The following NAALADL2 variants were observed in gnomAD, a reference collection of about 807,000 sequenced individuals.
NAALADL2 encodes the protein inactive N-acetylated-alpha-linked acidic dipeptidase-like protein 2.
Under a neutral mutation model 87.2 loss-of-function variants are expected in NAALADL2, and 76 were observed. The observed-to-expected ratio is 0.87, with a 90% CI of 0.72 to 1.05. The LOEUF is 1.05. Among genes scored for constraint, NAALADL2 ranks in the 50% least tolerant of loss-of-function variants. The pLI, the probability that NAALADL2 is intolerant of heterozygous loss-of-function variation, is 0.00. For missense variants in NAALADL2, 1,089 were observed against 945.8 expected (o/e 1.15, Z -1.99); for synonymous variants, 354 against 331.0 (o/e 1.07, Z -0.75).
chr3:174,773,865 AAGTGATGGAG>A (rs929077621), intron 3 of NAALADL2, among the ~76,000 whole-genome samples: 3 of 138,602 alleles, frequency 2.2e-5, no homozygotes, highest in African/African-American at 7.7e-5. Context: ...CTAGCTGCTG[AAGTGATGGAG>A]AGTGAGAGAG....
At chr3:174,749,737 C>T (rs1482940729) in intron 3 of NAALADL2, among the ~76,000 whole-genome samples, 1 of 152,098 alleles carries the variant, frequency 6.6e-6, no homozygotes, top group African/African-American at 2.4e-5. Context: ...CCATACAATC[C>T]TCACCCTAAG....
chr3:174,788,912 A>G (rs1460677722), intron 3 of NAALADL2, among the ~76,000 whole-genome samples: 1 of 152,152 alleles, frequency 6.6e-6, no homozygotes, highest in Non-Finnish European at 1.5e-5. Flanking sequence ...TAAATACAAT[A>G]ATCATTAAGT....
At chr3:174,818,414 CTG>C (rs1721031238) in intron 3 of NAALADL2, among the ~76,000 whole-genome samples, 1 of 152,004 alleles carries the variant, frequency 6.6e-6, no homozygotes, top group Non-Finnish European at 1.5e-5. Flanking sequence ...CTAAGAGAAA[CTG>C]TCTTAGGGCC....
intron 12 of NAALADL2, among the ~76,000 whole-genome samples, chr3:175,745,703 G>C (rs1047411447): frequency 6.6e-6 from 1 of 152,074 alleles, no homozygotes; most frequent in East Asian, 1.9e-4. Flanking sequence ...AGAATGCAAT[G>C]GTACTAGTTT....
chr3:175,443,056 C>G (rs1278295636), intron 5 of NAALADL2, among the ~76,000 whole-genome samples: 1 of 152,180 alleles, frequency 6.6e-6, no homozygotes, highest in Non-Finnish European at 1.5e-5. Context: ...CTTCTCTCAG[C>G]TCTTCTTCAA....
At chr3:175,460,084 T>C (rs903961316) in intron 6 of NAALADL2, 1 of 445,504 alleles carries the variant, frequency 2.2e-6, no homozygotes, top group African/African-American at 2.0e-5. Context: ...GTAGGATAAA[T>C]TTCTAAGTAC....
intron 11 of NAALADL2, among the ~76,000 whole-genome samples, chr3:175,701,619 G>T (rs1421965929): frequency 1.3e-5 from 2 of 152,006 alleles, no homozygotes; most frequent in African/African-American, 2.4e-5. Context: ...CATGTTAAAC[G>T]TATCAAGCAG....
At chr3:174,598,917 G>T (rs958336811) in intron 2 of NAALADL2, among the ~76,000 whole-genome samples, 1 of 152,020 alleles carries the variant, frequency 6.6e-6, no homozygotes, top group African/African-American at 2.4e-5. Context: ...ATACGTCTGT[G>T]GCAGCCATAA....
chr3:174,875,667 GA>G (rs993582402), intron 1 of NAALADL2, among the ~76,000 whole-genome samples: 5 of 151,454 alleles, frequency 3.3e-5, no homozygotes, highest in Admixed American at 6.6e-5. Context: ...TTCTAAGAAA[GA>G]AAAAAAATGT....
intron 2 of NAALADL2, among the ~76,000 whole-genome samples, chr3:174,592,212 A>T (rs957260107): frequency 6.6e-6 from 1 of 150,520 alleles, no homozygotes; most frequent in Non-Finnish European, 1.5e-5. Flanking sequence ...ATTTCTTTTT[A>T]TTTATTTATT....
intron 1 of NAALADL2, among the ~76,000 whole-genome samples, chr3:175,001,887 C>T (rs1263200298): frequency 6.6e-6 from 1 of 152,122 alleles, no homozygotes; most frequent in African/African-American, 2.4e-5. Flanking sequence ...TATTATGTTA[C>T]AGTCAAAACA....
rs368389924 is a variant in NAALADL2, at chr3:175,549,143, T to C, written c.1654-26898T>C. 9.0e-4 allele frequency among the ~76,000 whole-genome samples: 33 copies of C among 36,514 alleles called. No individual in the cohort carries two copies. In the East Asian group the frequency reaches 0.025, roughly 27 times the overall value. The allele number at this position is 36,514 out of a possible 152,430, so 24.0% of individuals were successfully genotyped here. A position where few individuals can be genotyped will look rare whatever the true frequency, so the allele number is the denominator to read the frequency against. ...ATACATACAGTTTTGAGATTATCACTTATTTTCCCTTGCATTGTTTTATTC... is the reference window on the plus strand; with the variant it reads ...ATACATACAGTTTTGAGATTATCACCTATTTTCCCTTGCATTGTTTTATTC... On this transcript the variant is annotated intron_variant, in intron 9 of 13. Transcript: ENST00000454872.
chr3:174,963,231 A>G (rs917103868), intron 1 of NAALADL2, among the ~76,000 whole-genome samples: 21 of 152,172 alleles, frequency 1.4e-4, no homozygotes, highest in Admixed American at 4.6e-4. Flanking sequence ...GTTTCATGTA[A>G]CAGATATTTT....
intron 3 of NAALADL2, among the ~76,000 whole-genome samples, chr3:174,831,121 C>T (rs1722628146): frequency 6.6e-6 from 1 of 151,936 alleles, no homozygotes; most frequent in African/African-American, 2.4e-5. Flanking sequence ...CCTAACTGCC[C>T]TGGCCAGAAC....
intron 8 of NAALADL2, 122 bp downstream of exon 8, chr3:175,467,306 A>G (rs1210853032): frequency 4.1e-6 from 3 of 726,832 alleles, no homozygotes; most frequent in African/African-American, 3.6e-5. Context: ...CATATTGCCT[A>G]ATTTGCTGAG....
chr3:175,600,249 CCT>C (rs1320098628), intron 10 of NAALADL2, among the ~76,000 whole-genome samples: 1 of 151,330 alleles, frequency 6.6e-6, no homozygotes, highest in African/African-American at 2.4e-5. Flanking sequence ...TCTTTTATCC[CCT>C]TAGTCTCAAG....
At chr3:175,142,841 G>C (rs186013952) in intron 2 of NAALADL2, among the ~76,000 whole-genome samples, 58 of 151,902 alleles carry the variant, frequency 3.8e-4, no homozygotes, top group Admixed American at 3.4e-3. Context: ...ATTTGAAGAG[G>C]GATATGAATA....
chr3:175,194,506 A>C (rs7632203), intron 2 of NAALADL2, among the ~76,000 whole-genome samples: 17,469 of 151,844 alleles, frequency 0.12, 1,136 homozygotes, highest in African/African-American at 0.16. Context: ...AAGGTAGGCT[A>C]TATGGAAACA....
At chr3:175,318,418 T>G in intron 4 of NAALADL2, among the ~76,000 whole-genome samples, 1 of 152,124 alleles carries the variant, frequency 6.6e-6, no homozygotes, top group East Asian at 1.9e-4. Context: ...GATCATGAAT[T>G]ACTTTAGTAA....
Sources: allele counts gnomAD v4.1 joint callset (sites outside exome capture counted in the v4.1 genomes callset), GRCh38; gene constraint gnomAD v4.1.1; transcripts MANE v1.5; gene names NCBI Gene and HGNC (gene_info 2026-07-23, HGNC 2026-07-21).